Variants in SGMS2 observed in about 807,000 individuals in gnomAD.
The protein encoded by SGMS2 is sphingomyelin synthase 2, also known as phosphatidylcholine:ceramide cholinephosphotransferase 2.
In SGMS2, 21 loss-of-function variants were observed where a neutral mutation model predicts 43.8. That is an observed-to-expected ratio of 0.48 (90% confidence interval 0.34 to 0.69). The LOEUF (loss-of-function observed/expected upper bound fraction) is 0.69. SGMS2 is among the 30% of genes least tolerant of loss of function. The pLI, the probability that SGMS2 is intolerant of heterozygous loss-of-function variation, is 0.01. For missense variants in SGMS2, 384 were observed against 443.2 expected (o/e 0.87, Z 1.20); for synonymous variants, 167 against 160.6 (o/e 1.04, Z -0.30).
chr4:107,864,983 A>G (rs1728006508), intron 2 of SGMS2, among the ~76,000 whole-genome samples: 1 of 152,184 alleles, frequency 6.6e-6, no homozygotes. Flanking sequence ...ATCTTTCATC[A>G]GGTATCTTTA....
intron 4 of SGMS2, among the ~76,000 whole-genome samples, 198 bp from the exon 5 acceptor site, chr4:107,903,030 ATAATT>A (rs1194323680): frequency 6.6e-6 from 1 of 152,208 alleles, no homozygotes; most frequent in African/African-American, 2.4e-5. Flanking sequence ...AACATATTGA[ATAATT>A]TAAAACGTCA....
chr4:107,824,662 A>G (rs1052250841), upstream of SGMS2: 2 of 152,044 alleles, frequency 1.3e-5, no homozygotes, highest in Non-Finnish European at 2.9e-5. Flanking sequence ...CCTTCTCTGC[A>G]CCTTAAACAG....
At chr4:107,848,973 A>G (rs912961642) in intron 1 of SGMS2, among the ~76,000 whole-genome samples, 9 of 152,212 alleles carry the variant, frequency 5.9e-5, no homozygotes, top group African/African-American at 1.9e-4. Flanking sequence ...GCCAAACCTA[A>G]GGTCACTTAG....
At chr4:107,893,622 T>C (rs1462795605) in intron 2 of SGMS2, 1 of 152,298 alleles carries the variant, frequency 6.6e-6, no homozygotes, top group Non-Finnish European at 1.5e-5. Context: ...CTGTAATGTA[T>C]TGATAGCTGG....
intron 1 of SGMS2, among the ~76,000 whole-genome samples, chr4:107,853,588 G>T (rs932372262): frequency 1.3e-5 from 2 of 152,278 alleles, no homozygotes; most frequent in Admixed American, 1.3e-4. Context: ...GATTACTTCA[G>T]TGACTTCCTT....
At chr4:107,857,552 A>G (rs935788049) in intron 1 of SGMS2, among the ~76,000 whole-genome samples, 1 of 150,494 alleles carries the variant, frequency 6.6e-6, no homozygotes, top group African/African-American at 2.5e-5. Context: ...ATATATATAT[A>G]TGCTACCAAA....
intron 2 of SGMS2, among the ~76,000 whole-genome samples, chr4:107,875,743 T>G (rs1322440637): frequency 1.3e-5 from 2 of 152,236 alleles, no homozygotes; most frequent in African/African-American, 4.8e-5. Context: ...TGGTCTACAT[T>G]GTTTATTACT....
In SGMS2 at chr4:107,825,115, C is replaced by A. The variant is rs1226342402; in HGVS notation, c.-465C>A. 1.3e-5 allele frequency: 2 copies of A among 152,240 alleles called. No homozygotes were observed. Among genetic ancestry groups the A allele is most frequent in the Non-Finnish European group, 2.9e-5 (2 of 68,118 alleles). 9.4% of individuals were successfully genotyped at this position (152,240 alleles called of 1,614,324 possible). On this transcript the variant is annotated 5_prime_UTR_variant, in exon 1 of 7. Coordinates refer to ENST00000690982, the MANE Select transcript of SGMS2 (RefSeq NM_001375905.1). ...GAGGGCGAGACCCCGAGCAAACTTT[C>A]TAGCGGCTTCGGCCCGAGGGTGGTG...
At chr4:107,871,145 A>C (rs1230101340) in intron 2 of SGMS2, among the ~76,000 whole-genome samples, 3 of 152,198 alleles carry the variant, frequency 2.0e-5, no homozygotes, top group African/African-American at 7.2e-5. Flanking sequence ...TAGGATAAGT[A>C]CTTGGCTGAT....
chr4:107,884,840 A>T (rs1729623866), intron 2 of SGMS2, among the ~76,000 whole-genome samples: 2 of 152,162 alleles, frequency 1.3e-5, no homozygotes. Context: ...GACCACCTTG[A>T]GCACATGTCA....
At chr4:107,845,311 A>G (rs1266110688) in intron 1 of SGMS2, among the ~76,000 whole-genome samples, 2 of 152,188 alleles carry the variant, frequency 1.3e-5, no homozygotes, top group African/African-American at 4.8e-5. Context: ...AGTGATCATC[A>G]TATGTTGCAG....
intron 5 of SGMS2, 86 bp downstream of exon 5, chr4:107,903,472 T>C: frequency 7.7e-7 from 1 of 1,300,688 alleles, no homozygotes; most frequent in Non-Finnish European, 1.1e-6. Context: ...CCTTATTCTC[T>C]TGGGATTGAT....
chr4:107,913,328 C>T lies in SGMS2; in HGVS notation c.*2775C>T, dbSNP rs532798074. 9 of 152,086 alleles carry T rather than the reference C, an allele frequency of 5.9e-5. No individual in the cohort carries two copies. The South Asian group carries it at 1.0e-3, about 18-fold the overall frequency. The allele number at this position is 152,086 out of a possible 1,614,324, so 9.4% of individuals were successfully genotyped here. ...AGATCTGAAAATAAAGCATCCTTTCCTGAGTCCACTTGAACTAATTGTGAA... is the reference window on the plus strand; with the variant it reads ...AGATCTGAAAATAAAGCATCCTTTCTTGAGTCCACTTGAACTAATTGTGAA... On this transcript the variant is annotated 3_prime_UTR_variant, in exon 7 of 7. Transcript: ENST00000690982.
At chr4:107,866,427 G>A (rs1007822571) in intron 2 of SGMS2, among the ~76,000 whole-genome samples, 4 of 151,960 alleles carry the variant, frequency 2.6e-5, no homozygotes, top group South Asian at 2.1e-4. Context: ...TTAGCCAGGC[G>A]TAGTGGTGTG....
chr4:107,865,040 T>C (rs2126041029), intron 2 of SGMS2, among the ~76,000 whole-genome samples: 1 of 152,336 alleles, frequency 6.6e-6, no homozygotes. Context: ...AAAATATTAC[T>C]GAACAAACAT....
In SGMS2 at chr4:107,895,941, G is replaced by A; in HGVS notation, c.388G>A (p.Val130Ile). Residue 130 changes from valine (V) to isoleucine (I), a missense_variant, in exon 3 of 7, where the codon GTA becomes ATA. Val to Ile is a conservative substitution (Grantham distance 29, BLOSUM62 3). Coordinates refer to ENST00000690982, the MANE Select transcript of SGMS2 (RefSeq NM_001375905.1). ...YIDRVKWAFSVSEINGIILVG... is the reference protein window; with the variant it reads ...YIDRVKWAFSISEINGIILVG... ...TGATAGGGTGAAATGGGCATTTTCT[G>A]TATCAGAAATAAATGGGATTATATT... 6.2e-7 allele frequency: 1 copy of A among 1,613,902 alleles called. No homozygotes were observed. The highest frequency in any genetic ancestry group is 8.5e-7 in the Non-Finnish European group (1 of 1,179,898).
At chr4:107,899,806 T>A in intron 4 of SGMS2, 114 bp downstream of exon 4, 1 of 556,340 alleles carries the variant, frequency 1.8e-6, no homozygotes, top group South Asian at 4.3e-5. Context: ...AAATCTAGCA[T>A]CTTTTCTATT....
At chr4:107,870,670 A>C (rs1278905070) in intron 2 of SGMS2, among the ~76,000 whole-genome samples, 2 of 152,202 alleles carry the variant, frequency 1.3e-5, no homozygotes, top group Non-Finnish European at 2.9e-5. Flanking sequence ...TAAGCTTTGG[A>C]AATGGGCTCC....
At chr4:107,887,997 C>A (rs967384494) in intron 2 of SGMS2, among the ~76,000 whole-genome samples, 3 of 152,160 alleles carry the variant, frequency 2.0e-5, no homozygotes, top group Admixed American at 6.6e-5. Context: ...TGTCTTGCAT[C>A]AGTGTGTCTT....
Sources: allele counts gnomAD v4.1 joint callset (sites outside exome capture counted in the v4.1 genomes callset), GRCh38; gene constraint gnomAD v4.1.1; transcripts MANE v1.5; gene names NCBI Gene and HGNC (gene_info 2026-07-23, HGNC 2026-07-21).